Variants in LCP1 observed in about 807,000 individuals in gnomAD.
The protein encoded by LCP1 is plastin-2.
LCP1 carries 23 observed loss-of-function variants against 72.0 expected under a neutral mutation model. The ratio of observed to expected loss-of-function variants is 0.32; its 90% CI spans 0.23 to 0.45. The LOEUF (loss-of-function observed/expected upper bound fraction) is 0.45. Among genes scored for constraint, LCP1 ranks in the 20% least tolerant of loss-of-function variants. The probability of loss-of-function intolerance (pLI) is 1.00; values close to 1 mark genes in which losing one functional copy is unlikely to be tolerated. For synonymous variants in LCP1, 245 were observed against 275.4 expected (o/e 0.89, Z 1.09); for missense variants, 571 against 748.3 (o/e 0.76, Z 2.76).
chr13:46,161,883 T>C (rs2045840698), intron 1 of LCP1, among the ~76,000 whole-genome samples: 2 of 152,220 alleles, frequency 1.3e-5, no homozygotes, highest in Non-Finnish European at 2.9e-5. Flanking sequence ...TCACTATCTA[T>C]GAGACAAACC....
intron 9 of LCP1, among the ~76,000 whole-genome samples, chr13:46,147,455 T>G (rs1264218133): frequency 6.6e-6 from 1 of 152,230 alleles, no homozygotes; most frequent in Non-Finnish European, 1.5e-5. Context: ...ATTATTTGTG[T>G]GCACAGATGA....
rs57234058 is a variant in LCP1, at chr13:46,165,962, GAAAA to G, written c.-24-6280_-24-6277del. Among the ~76,000 whole-genome samples the G allele has an allele frequency of 1.0e-2, 1,497 of 150,222 alleles. 27 individuals carry two copies. The highest frequency in any genetic ancestry group is 0.034 in the African/African-American group (1,374 of 40,894). ...AATTATATTATTTTTAAAACCTTAA[GAAAA>G]AAAAAGCCCCACCTCAAACTGCAAA... On this transcript the variant is annotated intron_variant, in intron 1 of 15. Coordinates refer to ENST00000323076, the MANE Select transcript of LCP1 (RefSeq NM_002298.5).
intron 1 of LCP1, among the ~76,000 whole-genome samples, chr13:46,162,607 T>C (rs534688753): frequency 6.6e-6 from 1 of 152,214 alleles, no homozygotes; most frequent in Non-Finnish European, 1.5e-5. Flanking sequence ...CAGTGCTCAA[T>C]GTTGCCCAGG....
intron 14 of LCP1, among the ~76,000 whole-genome samples, chr13:46,133,337 G>A (rs1381681261): frequency 6.6e-6 from 1 of 152,164 alleles, no homozygotes; most frequent in Non-Finnish European, 1.5e-5. Context: ...ATAAAGATGG[G>A]AATAAGCCAG....
Position 46,143,367 on chromosome 13 carries a change from C to T in LCP1, c.1291G>A (p.Glu431Lys), listed in dbSNP as rs1331585673. The change falls in exon 12 of 16, where the codon GAA (glutamate) becomes AAA (lysine). Residue 431 changes from glutamate to lysine, a missense_variant. By Grantham distance (56) the Glu-to-Lys change is moderately conservative (BLOSUM62 1). Coordinates refer to ENST00000323076, the MANE Select transcript of LCP1 (RefSeq NM_002298.5). ...SDALVIFQLY[E>K]KIKVPVDWNR... ...CAGTCAACAGGAACTTTGATCTTTT[C>T]ATAGAGCTGGAAGATGACCAGGGCA... is the stretch of plus-strand genomic sequence containing the variant. 9 of 1,613,826 alleles carry T rather than the reference C, an allele frequency of 5.6e-6. No homozygotes were observed. In the East Asian group the frequency reaches 1.8e-4, roughly 32 times the overall value.
At chr13:46,134,996 C>T (rs2045655606) in intron 13 of LCP1, among the ~76,000 whole-genome samples, 1 of 150,962 alleles carries the variant, frequency 6.6e-6, no homozygotes, top group Admixed American at 6.6e-5. Flanking sequence ...GTAGTCCCAG[C>T]TACTAGGGAG....
intron 1 of LCP1, among the ~76,000 whole-genome samples, chr13:46,168,118 G>A (rs984493708): frequency 6.6e-6 from 1 of 152,192 alleles, no homozygotes. Flanking sequence ...TAACTGGCAG[G>A]AAATAGAAGG....
At chr13:46,156,396 A>G (rs1252216319) in intron 5 of LCP1, 42 bp downstream of exon 5, 2 of 1,605,716 alleles carry the variant, frequency 1.2e-6, no homozygotes, top group Non-Finnish European at 1.7e-6. Flanking sequence ...TGGTCTAGAA[A>G]ATGGGCAATT....
intron 6 of LCP1, 56 bp downstream of exon 6, chr13:46,154,749 T>C (rs1313248472): frequency 2.2e-5 from 32 of 1,429,136 alleles, no homozygotes; most frequent in Non-Finnish European, 3.2e-5. Flanking sequence ...TCAGCAGTTA[T>C]GATGCTCATT....
intron 1 of LCP1, among the ~76,000 whole-genome samples, chr13:46,172,441 G>A (rs1161493594): frequency 3.3e-5 from 5 of 151,990 alleles, no homozygotes; most frequent in African/African-American, 9.7e-5. Context: ...CTGAGATCAC[G>A]CCATTGCACT....
At chr13:46,135,322 G>A (rs1461638375) in intron 13 of LCP1, among the ~76,000 whole-genome samples, 1 of 152,072 alleles carries the variant, frequency 6.6e-6, no homozygotes, top group Non-Finnish European at 1.5e-5. Flanking sequence ...TACAGTGTGT[G>A]CTTCTCAAAC....
intron 13 of LCP1, among the ~76,000 whole-genome samples, chr13:46,141,670 T>G (rs1417376333): frequency 1.3e-5 from 2 of 152,156 alleles, no homozygotes; most frequent in Non-Finnish European, 2.9e-5. Flanking sequence ...ATAGACATTT[T>G]CAGACATATA....
intron 1 of LCP1, among the ~76,000 whole-genome samples, chr13:46,172,593 G>T (rs1017742254): frequency 3.3e-5 from 5 of 152,190 alleles, no homozygotes; most frequent in Non-Finnish European, 5.9e-5. Flanking sequence ...CTACAGACAG[G>T]GATGCAGGAG....
chr13:46,132,605 C>T (rs1253034904), intron 14 of LCP1, among the ~76,000 whole-genome samples: 1 of 152,164 alleles, frequency 6.6e-6, no homozygotes, highest in African/African-American at 2.4e-5. Flanking sequence ...TTCAACTTTG[C>T]TTTTCTTTAC....
intron 6 of LCP1, 180 bp from the exon 7 acceptor site, chr13:46,153,125 A>C: frequency 1.8e-6 from 1 of 570,556 alleles, no homozygotes; most frequent in Non-Finnish European, 3.0e-6. Context: ...AAATCCAGTA[A>C]CCCAGACACC....
At chr13:46,173,808 C>T (rs1262059471) in intron 1 of LCP1, among the ~76,000 whole-genome samples, 1 of 152,200 alleles carries the variant, frequency 6.6e-6, no homozygotes, top group Non-Finnish European at 1.5e-5. Context: ...CCGGGCTTTG[C>T]CTTGCCTGAG....
rs541277099 is a variant in LCP1, at chr13:46,156,982, A to G, written c.359-412T>C. Among the ~76,000 whole-genome samples the G allele has an allele frequency of 4.0e-4, 61 of 151,498 alleles. No homozygotes were observed. The East Asian group carries it at 9.9e-3, about 25-fold the overall frequency. On this transcript the variant is annotated intron_variant, in intron 4 of 15. Transcript: ENST00000323076. ...ACTACAGGCGCCCGCCACAACACCC[A>G]GCTAATTTTTTGTATTTTTAGTAGA...
chr13:46,179,419 T>C (rs1319535581), intron 1 of LCP1, among the ~76,000 whole-genome samples: 1 of 152,240 alleles, frequency 6.6e-6, no homozygotes, highest in Non-Finnish European at 1.5e-5. Context: ...ATGCCTTTAG[T>C]ATCTACATGT....
intron 1 of LCP1, chr13:46,168,553 C>T (rs887925745): frequency 1.3e-5 from 2 of 152,484 alleles, no homozygotes; most frequent in African/African-American, 4.8e-5. Flanking sequence ...GCTGGACTGC[C>T]CCCGCACAGA....
Sources: gnomAD v4.1 joint callset for allele counts (sites outside exome capture counted in the v4.1 genomes callset) on GRCh38, gnomAD v4.1.1 for gene constraint, MANE v1.5 for transcripts, NCBI Gene and HGNC (gene_info 2026-07-23, HGNC 2026-07-21) for gene names.